TTN: variants seen among roughly 807,000 people sequenced by gnomAD.
TTN encodes the protein titin, also known as connectin.
TTN carries 1,525 observed loss-of-function variants against 3,223.0 expected under a neutral mutation model. That is an observed-to-expected ratio of 0.47 (90% CI 0.45 to 0.49). TTN has a LOEUF of 0.49. Among genes scored for constraint, TTN ranks in the 20% least tolerant of loss-of-function variants. The probability of loss-of-function intolerance (pLI) is 0.00; values close to 1 mark genes in which losing one functional copy is unlikely to be tolerated. For synonymous variants in TTN, 14,094 were observed against 15,161.0 expected (o/e 0.93, Z 5.17); for missense variants, 40,786 against 43,424.0 (o/e 0.94, Z 5.40).
chr2:178,537,678 T>G lies in TTN; in HGVS notation c.99529A>C (p.Asn33177His). ...CTGGTTTCTACTTCTCCAACCTCAT[T>G]GGTGGCTATGCAGGTATAAACACCT... The part of the protein sequence containing the change: ...DEGVYTCIAT[N>H]EVGEVETSSK... The change falls in exon 355 of 363, where the codon AAT (asparagine) becomes CAT (histidine). Residue 33177 changes from asparagine (N) to histidine (H), a missense_variant. Transcript: ENST00000589042. 1 of 1,613,796 alleles carries G rather than the reference T, an allele frequency of 6.2e-7. No individual in the cohort carries two copies. The highest frequency in any genetic ancestry group is 1.1e-5 in the South Asian group (1 of 91,084).
At chr2:178,786,285 G>A in intron 13 of TTN, 144 bp from the exon 14 acceptor site, 1 of 829,444 alleles carries the variant, frequency 1.2e-6, no homozygotes, top group Non-Finnish European at 1.9e-6. Context: ...ACACTTTTAG[G>A]GACTATTTCA....
rs1468424407 is a variant in TTN at position 178,739,401 on chromosome 2, G to T, written c.13832C>A (p.Pro4611His). Residue 4611 changes from proline (P) to histidine (H), a missense_variant, in exon 48 of 363, where the codon CCT becomes CAT. Transcript: ENST00000589042. ...TTCCTCAGAAACAGTGTCCACTAAA[G>T]GTGTATGTATCATGGGGCCATCCTC... Reference protein sequence around the residue: ...IKEDGPMIHTPLVDTVSEEGD... With the variant: ...IKEDGPMIHTHLVDTVSEEGD... The T allele has an allele frequency of 3.7e-6, 6 of 1,613,844 alleles. No individual in the cohort carries two copies. The highest frequency in any genetic ancestry group is 4.5e-5 in the East Asian group (2 of 44,858).
At chr2:178,727,437 G>T (rs1429568599) in intron 68 of TTN, 66 bp from the exon 69 acceptor site, 2 of 1,510,688 alleles carry the variant, frequency 1.3e-6, no homozygotes, top group East Asian at 4.6e-5. Context: ...AAATTAGATA[G>T]TATACAGGCA....
In TTN at chr2:178,613,145, A is replaced by G. The variant is rs57677875; in HGVS notation, c.49648+16T>C. 5,056 of 1,607,286 alleles carry G rather than the reference A, an allele frequency of 3.1e-3. 147 individuals carry two copies. In the African/African-American group the frequency reaches 0.061, roughly 19 times the overall value. On this transcript the variant is annotated intron_variant, in intron 264 of 362. Transcript: ENST00000589042. ...TATGAACTTCGAAATAACCACAAAA[A>G]TTATATAAATAATACCTATGGGATC...
Position 178,549,840 on chromosome 2 carries a change from T to G in TTN, c.91882A>C (p.Arg30628=). The change falls in exon 338 of 363, where the codon AGA becomes CGA. Residue 30628 remains arginine (R), a synonymous_variant. Coordinates refer to ENST00000589042, the MANE Select transcript of TTN (RefSeq NM_001267550.2). The stretch of plus-strand genomic sequence containing the variant: ...TTCTCCCCAGTAATATTGGTGAATC[T>G]TATTGGCCCAACTACTTTTCCTGGT... ...DTPGKVVGPI[R]FTNITGEKMT... 3 of 1,584,200 alleles carry G rather than the reference T, an allele frequency of 1.9e-6. No homozygotes were observed. Among genetic ancestry groups the G allele is most frequent in the Non-Finnish European group, 2.6e-6 (3 of 1,165,028 alleles).
At chr2:178,622,833 T>C in intron 242 of TTN, 66 bp from the exon 243 acceptor site, 1 of 1,204,156 alleles carries the variant, frequency 8.3e-7, no homozygotes, top group Non-Finnish European at 1.2e-6. Flanking sequence ...ATTACCATAG[T>C]ATACATTAAG....
rs1257032622 is a variant in TTN, at chr2:178,639,687, C to T, written c.40876+12G>A. On this transcript the variant is annotated intron_variant, in intron 223 of 362. Transcript: ENST00000589042. ...AAACAAACTAGCAAAAAGAAAGCTA[C>T]AGGATAAATACCTGCTTTCTTTCCA... 7 of 1,610,958 alleles carry T rather than the reference C, an allele frequency of 4.3e-6. No individual in the cohort carries two copies. Among genetic ancestry groups the T allele is most frequent in the Non-Finnish European group, 5.1e-6 (6 of 1,178,132 alleles).
At chr2:178,679,084 T>C (rs1397939741) in intron 142 of TTN, among the ~76,000 whole-genome samples, 1 of 152,002 alleles carries the variant, frequency 6.6e-6, no homozygotes, top group Non-Finnish European at 1.5e-5. Context: ...TCCATTTTGA[T>C]ATGCAAAAGG....
chr2:178,543,697 TTGCC>T, intron 346 of TTN, 35 bp from the exon 347 acceptor site: 1 of 1,538,874 alleles, frequency 6.5e-7, no homozygotes, highest in Non-Finnish European at 8.7e-7. Flanking sequence ...TATTTCCTAT[TTGCC>T]TGATAGCTTT....
rs200065187 is a variant in TTN at position 178,632,178 on chromosome 2, C to A, written c.43716G>T (p.Gly14572=). ...CAGTGAGTTTAGCTTCTGAACTCAT[C>A]CCCATAGCTTCTACTCTAATTTGGG... ...DTSQIRVEAM[G]MSSEAKLTVL... Residue 14572 remains glycine (G), a synonymous_variant, in exon 236 of 363, where the codon GGG becomes GGT. Coordinates refer to ENST00000589042, the MANE Select transcript of TTN (RefSeq NM_001267550.2). 9.3e-6 allele frequency: 15 copies of A among 1,607,974 alleles called. No individual in the cohort carries two copies. Among genetic ancestry groups the A allele is most frequent in the Non-Finnish European group, 1.2e-5 (14 of 1,176,936 alleles).
In TTN at chr2:178,621,755, AAAAAC is replaced by A. The variant is rs781409618; in HGVS notation, c.45083-19_45083-15del. The stretch of plus-strand genomic sequence containing the variant: ...CAGCTTCTTCTTCTGCAAGCATTGA[AAAAAC>A]AAAAACCACATTGAGTTAAGCTGGA... On this transcript the variant is annotated splice_polypyrimidine_tract_variant and intron_variant, in intron 244 of 362. Transcript: ENST00000589042. 49 of 1,609,350 alleles carry A rather than the reference AAAAAC, an allele frequency of 3.0e-5. No individual in the cohort carries two copies. The African/African-American group carries it at 3.3e-4, about 11-fold the overall frequency.
In TTN at chr2:178,678,821, A is replaced by C. The variant is rs1406988829; in HGVS notation, c.33752T>G (p.Val11251Gly). The change falls in exon 143 of 363, where the codon GTG becomes GGG. Residue 11251 changes from valine to glycine, a missense_variant. Coordinates refer to ENST00000589042, the MANE Select transcript of TTN (RefSeq NM_001267550.2). Reference sequence around the variant, plus strand: ...CTCCTCTGGCACAGGTTTCTTGGGCACTTCAGGAACTTCAAAGATATCAAA... The same window carrying C: ...CTCCTCTGGCACAGGTTTCTTGGGCCCTTCAGGAACTTCAAAGATATCAAA... The part of the protein sequence containing the change: ...EKPPPAKVPE[V>G]PKKPVPEEKV... The C allele has an allele frequency of 6.3e-7, 1 of 1,589,268 alleles. No homozygotes were observed. The highest frequency in any genetic ancestry group is 1.2e-5 in the South Asian group (1 of 84,722).
intron 361 of TTN, 171 bp downstream of exon 361, chr2:178,528,103 G>T: frequency 2.7e-6 from 2 of 736,842 alleles, no homozygotes; most frequent in Middle Eastern, 3.6e-4. Context: ...CCAAGTTTCT[G>T]TGTAGCTATA....
In TTN at chr2:178,582,280, C is replaced by T. The variant is rs149714835; in HGVS notation, c.66160+16G>A. On this transcript the variant is annotated intron_variant, in intron 314 of 362. Transcript: ENST00000589042. ...TTTAAAAAATAAAATGAAAAACCAC[C>T]GGGAAATGTTCCTACCATATGGGTT... 6.7e-4 allele frequency: 1,053 copies of T among 1,577,032 alleles called. 8 individuals carry two copies. In the African/African-American group the frequency reaches 0.011, roughly 17 times the overall value.
chr2:178,628,102 A>T (rs750219413), intron 240 of TTN, among the ~76,000 whole-genome samples: 5 of 152,062 alleles, frequency 3.3e-5, no homozygotes, highest in Non-Finnish European at 5.9e-5. Flanking sequence ...GAGACCAAGA[A>T]GATCTTATTA....
intron 155 of TTN, 46 bp downstream of exon 155, chr2:178,671,925 T>G: frequency 6.4e-7 from 1 of 1,562,434 alleles, no homozygotes; most frequent in Non-Finnish European, 8.6e-7. Flanking sequence ...AAAGGAAAGT[T>G]AGAGCAAGAT....
intron 250 of TTN, 91 bp from the exon 251 acceptor site, chr2:178,618,944 T>C (rs1576525103): frequency 6.7e-7 from 1 of 1,490,022 alleles, no homozygotes; most frequent in East Asian, 2.4e-5. Context: ...AAATATTGGT[T>C]ACATAACCTT....
intron 18 of TTN, 73 bp from the exon 19 acceptor site, chr2:178,782,675 G>T (rs2092884483): frequency 6.2e-7 from 1 of 1,604,242 alleles, no homozygotes; most frequent in South Asian, 1.1e-5. Flanking sequence ...CAGTTAAATT[G>T]ACCATATAAT....
At position 178,531,844 on chromosome 2, in the gene TTN, G is replaced by C; in HGVS notation, c.104771C>G (p.Ser34924Ter). The part of the protein sequence containing the change: ...MKAALKTQKT[S>*]ERKYEVLSQQ... ...ACTCAAAACTTCATACTTCCTTTCTGATGTCTTCTGAGTTTTTAAAGCAGC... is the reference window on the plus strand; with the variant it reads ...ACTCAAAACTTCATACTTCCTTTCTCATGTCTTCTGAGTTTTTAAAGCAGC... The change falls in exon 358 of 363, where the codon TCA becomes TGA. Residue 34924 changes from serine to a stop codon, truncating the protein, a stop_gained. Coordinates refer to ENST00000589042, the MANE Select transcript of TTN (RefSeq NM_001267550.2). LOFTEE classifies it high-confidence loss of function. 1 of 1,613,860 alleles carries C rather than the reference G, an allele frequency of 6.2e-7. No individual in the cohort carries two copies. The highest frequency in any genetic ancestry group is 8.5e-7 in the Non-Finnish European group (1 of 1,179,808).
Sources: gnomAD v4.1 joint callset for allele counts (sites outside exome capture counted in the v4.1 genomes callset) on GRCh38, gnomAD v4.1.1 for gene constraint, MANE v1.5 for transcripts, NCBI Gene and HGNC (gene_info 2026-07-23, HGNC 2026-07-21) for gene names.